TP63: variants seen among roughly 807,000 people sequenced by gnomAD.
TP63 encodes the protein tumor protein 63.
In TP63, 17 loss-of-function variants were observed where a neutral mutation model predicts 82.8. The observed-to-expected ratio is 0.21, with a 90% CI of 0.14 to 0.31. The LOEUF (loss-of-function observed/expected upper bound fraction) is 0.31, where lower values mean the gene tolerates loss of function less well. TP63 is among the 10% of genes least tolerant of loss of function. The probability of loss-of-function intolerance (pLI) is 1.00; values close to 1 mark genes in which losing one functional copy is unlikely to be tolerated. For synonymous variants in TP63, 330 were observed against 321.7 expected (o/e 1.03, Z -0.28); for missense variants, 648 against 895.3 (o/e 0.72, Z 3.52).
chr3:189,861,232 A>G (rs1279707476), intron 4 of TP63, among the ~76,000 whole-genome samples: 12 of 152,170 alleles, frequency 7.9e-5, no homozygotes, highest in Admixed American at 3.9e-4. Context: ...TCTCCCACAT[A>G]TAAGTGAGGA....
At chr3:189,877,108 A>G (rs950608602) in intron 10 of TP63, among the ~76,000 whole-genome samples, 1 of 152,170 alleles carries the variant, frequency 6.6e-6, no homozygotes, top group African/African-American at 2.4e-5. Flanking sequence ...GTTTACCTTC[A>G]TGATCATAGG....
chr3:189,765,641 G>T (rs974247550), intron 3 of TP63, among the ~76,000 whole-genome samples: 5 of 151,432 alleles, frequency 3.3e-5, no homozygotes, highest in African/African-American at 1.2e-4. Context: ...CACCGTTTTA[G>T]CCAGGATGGT....
chr3:189,843,779 A>G (rs1714482500), intron 4 of TP63, among the ~76,000 whole-genome samples: 1 of 152,206 alleles, frequency 6.6e-6, no homozygotes, highest in Non-Finnish European at 1.5e-5. Flanking sequence ...CAGAGGAGAA[A>G]TAATTTGCCC....
chr3:189,772,085 A>G (rs2108559177), intron 3 of TP63, among the ~76,000 whole-genome samples: 2 of 152,328 alleles, frequency 1.3e-5, no homozygotes. Flanking sequence ...TGATGAATCT[A>G]GGAGTTCATA....
At chr3:189,884,465 T>G (rs1720234865) in intron 10 of TP63, among the ~76,000 whole-genome samples, 2 of 152,238 alleles carry the variant, frequency 1.3e-5, no homozygotes, top group African/African-American at 4.8e-5. Context: ...CATGTGATCT[T>G]GGGCATATGT....
At chr3:189,806,481 C>T (rs747826505) in intron 3 of TP63, among the ~76,000 whole-genome samples, 4 of 152,238 alleles carry the variant, frequency 2.6e-5, no homozygotes, top group Non-Finnish European at 5.9e-5. Context: ...TTTCAATCCC[C>T]TTCCGAGGCT....
intron 3 of TP63, among the ~76,000 whole-genome samples, chr3:189,769,350 G>A (rs1191072244): frequency 6.6e-6 from 1 of 152,114 alleles, no homozygotes; most frequent in Non-Finnish European, 1.5e-5. Context: ...CTCATTAAAT[G>A]TTATTCTAGT....
intron 1 of TP63, among the ~76,000 whole-genome samples, chr3:189,649,610 A>G (rs1381108975): frequency 6.8e-6 from 1 of 146,904 alleles, no homozygotes; most frequent in Non-Finnish European, 1.5e-5. Context: ...TTGCACATGT[A>G]CCCCCAAACT....
intron 1 of TP63, among the ~76,000 whole-genome samples, chr3:189,665,823 A>G (rs1286533076): frequency 2.6e-5 from 4 of 152,076 alleles, no homozygotes; most frequent in African/African-American, 9.6e-5. Flanking sequence ...GTAAGGTCTT[A>G]TTAGCACTTC....
At chr3:189,626,226 T>C in the TP63 span, among the ~76,000 whole-genome samples, 1 of 152,202 alleles carries the variant, frequency 6.6e-6, no homozygotes, top group African/African-American at 2.4e-5. Context: ...ATCCTCCCCA[T>C]GACAGAACTT....
intron 3 of TP63, among the ~76,000 whole-genome samples, chr3:189,760,117 A>G (rs1294029394): frequency 6.6e-6 from 1 of 152,154 alleles, no homozygotes; most frequent in Non-Finnish European, 1.5e-5. Context: ...ACAAAATGAG[A>G]TTTGGGTGGG....
At chr3:189,883,809 T>A (rs567430870) in intron 10 of TP63, among the ~76,000 whole-genome samples, 7 of 152,140 alleles carry the variant, frequency 4.6e-5, no homozygotes, top group Admixed American at 4.6e-4. Flanking sequence ...CCTACCCTCC[T>A]CAAATTAGTG....
chr3:189,720,024 C>T (rs1477483558), intron 1 of TP63, among the ~76,000 whole-genome samples: 2 of 152,188 alleles, frequency 1.3e-5, no homozygotes, highest in Non-Finnish European at 2.9e-5. Flanking sequence ...GTTTACTCTT[C>T]TCTCCTGCCT....
intron 4 of TP63, among the ~76,000 whole-genome samples, chr3:189,848,683 A>G (rs1715249255): frequency 6.6e-6 from 1 of 152,234 alleles, no homozygotes; most frequent in Admixed American, 6.5e-5. Flanking sequence ...TTGTAGTAAA[A>G]GCATTATCTT....
chr3:189,640,825 T>C (rs1373041978), intron 1 of TP63, among the ~76,000 whole-genome samples: 1 of 152,176 alleles, frequency 6.6e-6, no homozygotes, highest in Admixed American at 6.6e-5. Flanking sequence ...AAGCTAAAAA[T>C]ATTATAGAAC....
At chr3:189,796,453 G>A (rs113454268) in intron 3 of TP63, among the ~76,000 whole-genome samples, 1,621 of 152,060 alleles carry the variant, frequency 0.011, 27 homozygotes, top group South Asian at 0.044. Context: ...GAGTGAACCA[G>A]TGACTTGATT....
intron 3 of TP63, among the ~76,000 whole-genome samples, chr3:189,759,982 T>C (rs1722452383): frequency 6.6e-6 from 1 of 152,178 alleles, no homozygotes; most frequent in African/African-American, 2.4e-5. Context: ...AACTCCTGTT[T>C]TTAAAACCAT....
chr3:189,635,978 A>G (rs1239764624), intron 1 of TP63, among the ~76,000 whole-genome samples: 1 of 152,128 alleles, frequency 6.6e-6, no homozygotes, highest in African/African-American at 2.4e-5. Context: ...CGTAATCACT[A>G]AGTTTCTCTG....
intron 4 of TP63, among the ~76,000 whole-genome samples, chr3:189,835,648 G>A (rs1355448615): frequency 6.6e-6 from 1 of 151,664 alleles, no homozygotes; most frequent in East Asian, 1.9e-4. Context: ...AGGCGGCTGG[G>A]TGCAGTGGCT....
Sources: gnomAD v4.1 joint callset for allele counts (sites outside exome capture counted in the v4.1 genomes callset) on GRCh38, gnomAD v4.1.1 for gene constraint, MANE v1.5 for transcripts, NCBI Gene and HGNC (gene_info 2026-07-23, HGNC 2026-07-21) for gene names.